The following LAP3 variants were observed in gnomAD, a reference collection of about 807,000 sequenced individuals.
LAP3 encodes the protein cytosol aminopeptidase.
LAP3 carries 46 observed loss-of-function variants against 58.8 expected under a neutral mutation model. The observed-to-expected ratio is 0.78, with a 90% CI of 0.62 to 1.00. The LOEUF is 1.00. Ranked by LOEUF, LAP3 falls within the 50% of genes least tolerant of loss-of-function variation. The pLI is 0.00. For synonymous variants in LAP3, 257 were observed against 237.7 expected (o/e 1.08, Z -0.75); for missense variants, 615 against 659.1 (o/e 0.93, Z 0.73).
chr4:17,578,665 A>G (rs925615059), intron 1 of LAP3, among the ~76,000 whole-genome samples: 2 of 152,214 alleles, frequency 1.3e-5, no homozygotes, highest in Non-Finnish European at 2.9e-5. Context: ...AACATTTTTA[A>G]AGTCATAAAT....
chr4:17,595,407 T>C lies in LAP3; in HGVS notation c.864-3T>C, dbSNP rs892159926. ...ATATTGCACGTTGTCCATTTCCCCA[T>C]AGTGGTGGTATCTCCATCAAGGCTT... On this transcript the variant is annotated splice_polypyrimidine_tract_variant and splice_region_variant and intron_variant, in intron 7 of 12. Coordinates refer to ENST00000226299, the MANE Select transcript of LAP3 (RefSeq NM_015907.3). 3.7e-6 allele frequency: 6 copies of C among 1,613,366 alleles called. No homozygotes were observed. Among genetic ancestry groups the C allele is most frequent in the South Asian group, 1.1e-5 (1 of 90,994 alleles).
At chr4:17,605,118 CCACACACACACACACACACA>C (rs10609509) in intron 11 of LAP3, among the ~76,000 whole-genome samples, 6 of 146,930 alleles carry the variant, frequency 4.1e-5, no homozygotes, top group Non-Finnish European at 9.0e-5. Flanking sequence ...ACCCTCACTT[CCACACACACACACACACACA>C]CACACACACA....
At chr4:17,593,204 G>T (rs1198347993) in intron 7 of LAP3, among the ~76,000 whole-genome samples, 1 of 152,188 alleles carries the variant, frequency 6.6e-6, no homozygotes, top group Non-Finnish European at 1.5e-5. Flanking sequence ...TTACAGAATT[G>T]TAAGGTTTTT....
At chr4:17,605,893 A>AC (rs1165175706) in intron 11 of LAP3, among the ~76,000 whole-genome samples, 1 of 152,136 alleles carries the variant, frequency 6.6e-6, no homozygotes, top group African/African-American at 2.4e-5. Context: ...GCCACTTTCA[A>AC]CCCTTGGCTG....
chr4:17,607,808 T>C lies in LAP3; in HGVS notation c.*219T>C, dbSNP rs377687947. On this transcript the variant is annotated 3_prime_UTR_variant, in exon 13 of 13. Transcript: ENST00000226299. The stretch of plus-strand genomic sequence containing the variant: ...TACTTGATAAGGATTTTTAAGATAC[T>C]CTATAAATGATTAAAATTTTTAGAA... 142 of 391,192 alleles carry C rather than the reference T, an allele frequency of 3.6e-4. No homozygotes were observed. Among genetic ancestry groups the C allele is most frequent in the Admixed American group, 1.5e-3 (35 of 24,128 alleles). 24.2% of individuals were successfully genotyped at this position (391,192 alleles called of 1,614,324 possible). A position where few individuals can be genotyped will look rare whatever the true frequency, so the allele number is the denominator to read the frequency against.
At chr4:17,604,146 C>A (rs1009538779) in intron 10 of LAP3, among the ~76,000 whole-genome samples, 1 of 151,964 alleles carries the variant, frequency 6.6e-6, no homozygotes, top group African/African-American at 2.4e-5. Context: ...GCAGCATGTA[C>A]CTGTAATTCC....
chr4:17,603,294 C>T (rs1440947032), intron 10 of LAP3, among the ~76,000 whole-genome samples: 3 of 151,790 alleles, frequency 2.0e-5, no homozygotes, highest in African/African-American at 4.8e-5. Context: ...GGCAACAGAG[C>T]AAGACTCTGT....
At chr4:17,602,020 C>T (rs1713991918) in intron 10 of LAP3, among the ~76,000 whole-genome samples, 2 of 152,162 alleles carry the variant, frequency 1.3e-5, no homozygotes, top group Admixed American at 6.5e-5. Flanking sequence ...CATGTAAAGA[C>T]ATGGTTAAGA....
chr4:17,605,213 G>A (rs1032534665), intron 11 of LAP3, among the ~76,000 whole-genome samples: 3 of 151,856 alleles, frequency 2.0e-5, no homozygotes, highest in African/African-American at 7.3e-5. Flanking sequence ...AGCCTGTCTT[G>A]AGGCAGCAGG....
chr4:17,606,390 G>C (rs1714140344), intron 11 of LAP3, among the ~76,000 whole-genome samples: 1 of 152,118 alleles, frequency 6.6e-6, no homozygotes, highest in Non-Finnish European at 1.5e-5. Context: ...CCAGGCTGGA[G>C]TGCCGTGGCA....
chr4:17,586,041 G>A (rs1713505624), intron 6 of LAP3: 2 of 152,328 alleles, frequency 1.3e-5, no homozygotes, highest in South Asian at 2.1e-4. Context: ...GACATGGGAT[G>A]AGAATTTCTG....
chr4:17,583,166 A>G (rs1713408166), intron 4 of LAP3, among the ~76,000 whole-genome samples: 1 of 152,210 alleles, frequency 6.6e-6, no homozygotes, highest in Admixed American at 6.5e-5. Context: ...GGGAAGCTTC[A>G]TCAGGAAATC....
Position 17,582,347 on chromosome 4 carries a change from G to A in LAP3, c.333G>A (p.Gln111=). Residue 111 remains glutamine, a synonymous_variant, in exon 4 of 13, where the codon CAG becomes CAA. Transcript: ENST00000226299. ...AAAAGGCAGCTGGAATCGACGAACA[G>A]GAAAACTGGCATGAAGGCAAAGAAA... ...LGKKAAGIDE[Q]ENWHEGKENI... is the part of the protein sequence containing the mutation. 6.2e-7 allele frequency: 1 copy of A among 1,614,136 alleles called. No individual in the cohort carries two copies. Among genetic ancestry groups the A allele is most frequent in the Non-Finnish European group, 8.5e-7 (1 of 1,180,010 alleles).
At chr4:17,603,496 G>A (rs1714029699) in intron 10 of LAP3, among the ~76,000 whole-genome samples, 2 of 133,682 alleles carry the variant, frequency 1.5e-5, no homozygotes, top group Admixed American at 1.7e-4. Context: ...CATCTCTACA[G>A]CAAGAAATCT....
At chr4:17,581,952 A>T in intron 3 of LAP3, 138 bp downstream of exon 3, 1 of 751,702 alleles carries the variant, frequency 1.3e-6, no homozygotes, top group Non-Finnish European at 2.2e-6. Context: ...AACATTTAAG[A>T]TTAAGAGGCG....
At position 17,597,060 on chromosome 4, in the gene LAP3, T is replaced by C. The variant is rs1713848737; in HGVS notation, c.1003T>C (p.Cys335Arg). 6.2e-7 allele frequency: 1 copy of C among 1,614,074 alleles called. No individual in the cohort carries two copies. The highest frequency in any genetic ancestry group is 1.3e-5 in the African/African-American group (1 of 74,946). ...ATTTCCAATAGGTCTGGCCCCTCTT[T>C]GTGAAAATATGCCCAGCGGCAAGGC... ...PINIIGLAPL[C>R]ENMPSGKANK... Residue 335 changes from cysteine to arginine, a missense_variant, in exon 9 of 13, where the codon TGT becomes CGT. Transcript: ENST00000226299.
chr4:17,601,684 A>T (rs764403130), intron 10 of LAP3, among the ~76,000 whole-genome samples: 1 of 152,158 alleles, frequency 6.6e-6, no homozygotes, highest in Non-Finnish European at 1.5e-5. Context: ...ACCTATGTAC[A>T]TCCTCCAGTA....
intron 10 of LAP3, 74 bp downstream of exon 10, chr4:17,598,632 T>C: frequency 9.2e-7 from 1 of 1,086,216 alleles, no homozygotes; most frequent in Non-Finnish European, 1.4e-6. Context: ...ACACTATACT[T>C]GTGGCATTAT....
chr4:17,595,626 A>C, intron 8 of LAP3, 92 bp downstream of exon 8: 1 of 1,376,528 alleles, frequency 7.3e-7, no homozygotes, highest in South Asian at 1.3e-5. Flanking sequence ...CCCTAATCTG[A>C]AAAGATAAGA....
Sources: allele counts gnomAD v4.1 joint callset (sites outside exome capture counted in the v4.1 genomes callset), GRCh38; gene constraint gnomAD v4.1.1; transcripts MANE v1.5; gene names NCBI Gene and HGNC (gene_info 2026-07-23, HGNC 2026-07-21).